The following MBD5 variants were observed in gnomAD, a reference collection of about 807,000 sequenced individuals.
MBD5 encodes methyl-CpG-binding domain protein 5.
A neutral mutation model predicts 117.3 loss-of-function variants in MBD5; 13 were observed. The ratio of observed to expected loss-of-function variants is 0.11; its 90% CI spans 0.07 to 0.18. The LOEUF is 0.18. MBD5 is among the 10% of genes least tolerant of loss of function. The probability of loss-of-function intolerance (pLI) is 1.00; values close to 1 mark genes in which losing one functional copy is unlikely to be tolerated. For synonymous variants in MBD5, 727 were observed against 766.4 expected (o/e 0.95, Z 0.85); for missense variants, 1,879 against 2,093.8 (o/e 0.90, Z 2.00).
intron 3 of MBD5, among the ~76,000 whole-genome samples, chr2:148,297,812 A>T (rs181287596): frequency 5.5e-4 from 83 of 151,880 alleles, no homozygotes; most frequent in African/African-American, 1.5e-3. Context: ...CTCCTTTTGC[A>T]TACCATCAGA....
intron 3 of MBD5, among the ~76,000 whole-genome samples, chr2:148,239,100 G>T (rs2106181383): frequency 6.6e-6 from 1 of 151,734 alleles, no homozygotes; most frequent in African/African-American, 2.4e-5. Flanking sequence ...ATATATAACT[G>T]AGAATAGAAT....
rs532136716 is a variant in MBD5, at chr2:148,240,125, G to C, written c.-680+6730G>C. Among the ~76,000 whole-genome samples the C allele has an allele frequency of 3.3e-5, 5 of 152,274 alleles. No individual in the cohort carries two copies. The South Asian group carries it at 1.0e-3, about 32-fold the overall frequency. On this transcript the variant is annotated intron_variant, in intron 3 of 13. Coordinates refer to ENST00000642680, the MANE Select transcript of MBD5 (RefSeq NM_001378120.1). ...AGTTCATGTCCTTTATAGGGACATAGATGAAGCTGGAAACCATTATTCTGA... is the reference window on the plus strand; with the variant it reads ...AGTTCATGTCCTTTATAGGGACATACATGAAGCTGGAAACCATTATTCTGA...
chr2:148,355,662 A>G (rs1703363805), intron 4 of MBD5, among the ~76,000 whole-genome samples: 1 of 152,186 alleles, frequency 6.6e-6, no homozygotes, highest in Non-Finnish European at 1.5e-5. Flanking sequence ...TACCAGTACC[A>G]TGCTGTTTTC....
intron 1 of MBD5, among the ~76,000 whole-genome samples, chr2:148,034,519 A>G (rs1694133000): frequency 1.3e-5 from 2 of 152,296 alleles, no homozygotes; most frequent in South Asian, 4.1e-4. Context: ...AGGGGTCTTA[A>G]TATGTAATTC....
At chr2:148,163,021 T>A (rs2105755857) in intron 1 of MBD5, among the ~76,000 whole-genome samples, 2 of 152,346 alleles carry the variant, frequency 1.3e-5, no homozygotes, top group South Asian at 4.1e-4. Flanking sequence ...CAATCCACTT[T>A]ATGTCTCCAC....
intron 1 of MBD5, among the ~76,000 whole-genome samples, chr2:148,092,235 A>T (rs1343334673): frequency 6.6e-6 from 1 of 152,206 alleles, no homozygotes. Context: ...TAGTACAACC[A>T]CTGTGGAAAA....
chr2:148,308,525 GT>G (rs1701953405), intron 3 of MBD5, among the ~76,000 whole-genome samples: 2 of 98,984 alleles, frequency 2.0e-5, no homozygotes, highest in African/African-American at 7.1e-5. Flanking sequence ...TTTTGATGGG[GT>G]TAAGTTCCCT....
At chr2:148,451,549 G>A in intron 4 of MBD5, among the ~76,000 whole-genome samples, 1 of 152,012 alleles carries the variant, frequency 6.6e-6, no homozygotes, top group South Asian at 2.1e-4. Flanking sequence ...ACTCTAACAA[G>A]CATAATTCAG....
intron 8 of MBD5, chr2:148,472,426 C>T (rs888921330): frequency 5.9e-5 from 9 of 151,994 alleles, no homozygotes; most frequent in African/African-American, 2.2e-4. Flanking sequence ...AGTATTAAAC[C>T]TAATAAAATT....
intron 4 of MBD5, among the ~76,000 whole-genome samples, chr2:148,453,584 T>A (rs1162206578): frequency 6.6e-6 from 1 of 152,128 alleles, no homozygotes; most frequent in Non-Finnish European, 1.5e-5. Context: ...CTATGCTTAT[T>A]GGGCTTAAAT....
intron 2 of MBD5, among the ~76,000 whole-genome samples, chr2:148,202,903 A>G (rs1699178155): frequency 1.3e-5 from 2 of 152,106 alleles, no homozygotes; most frequent in South Asian, 4.1e-4. Flanking sequence ...TAAAAGCTGT[A>G]AAATAGACTG....
chr2:148,151,626 A>C (rs1233558641), intron 1 of MBD5, among the ~76,000 whole-genome samples: 1 of 152,060 alleles, frequency 6.6e-6, no homozygotes, highest in Non-Finnish European at 1.5e-5. Context: ...AGATCCTGTT[A>C]TTGGTCTATT....
At chr2:148,076,192 G>GTTT (rs1342556230) in intron 1 of MBD5, among the ~76,000 whole-genome samples, 1 of 151,884 alleles carries the variant, frequency 6.6e-6, no homozygotes, top group Non-Finnish European at 1.5e-5. Context: ...TGTTGTTGTT[G>GTTT]TTGTTGTTTT....
In MBD5 at chr2:148,294,232, T is replaced by G. The variant is rs1009745165; in HGVS notation, c.-679-47982T>G. Among the ~76,000 whole-genome samples, 13 of 41,120 alleles carry G rather than the reference T, an allele frequency of 3.2e-4. 2 individuals are homozygous for G. Among genetic ancestry groups the G allele is most frequent in the East Asian group, 8.5e-4 (1 of 1,170 alleles). 27.0% of individuals were successfully genotyped at this position (41,120 alleles called of 152,430 possible). Reference sequence around the variant, plus strand: ...TTTTTTTTTTTTTTTTTTTTTTTTTTTTTTTTTTTTGAGACAGAGTCTTGC... The same window carrying G: ...TTTTTTTTTTTTTTTTTTTTTTTTTGTTTTTTTTTTGAGACAGAGTCTTGC... On this transcript the variant is annotated intron_variant, in intron 3 of 13. Coordinates refer to ENST00000642680, the MANE Select transcript of MBD5 (RefSeq NM_001378120.1).
intron 3 of MBD5, among the ~76,000 whole-genome samples, chr2:148,295,193 AT>A (rs1701620389): frequency 6.6e-6 from 1 of 152,018 alleles, no homozygotes; most frequent in African/African-American, 2.4e-5. Flanking sequence ...GCTGTGTTTC[AT>A]GGTGTCCCAC....
At chr2:148,314,490 A>G (rs2602359) in intron 3 of MBD5, among the ~76,000 whole-genome samples, 148,660 of 151,352 alleles carry the variant, frequency 0.98, 73,060 homozygotes, top group Middle Eastern at 1. Context: ...GGATTCTCCT[A>G]TCTCAGCCCC....
intron 4 of MBD5, among the ~76,000 whole-genome samples, chr2:148,359,761 C>T (rs1703482416): frequency 6.6e-6 from 1 of 152,098 alleles, no homozygotes; most frequent in South Asian, 2.1e-4. Flanking sequence ...TTCAATGTTA[C>T]CCATTTTAAT....
chr2:148,144,928 C>T (rs542262528), intron 1 of MBD5, among the ~76,000 whole-genome samples: 19 of 152,172 alleles, frequency 1.2e-4, no homozygotes, highest in African/African-American at 1.9e-4. Flanking sequence ...CTTGGCAATG[C>T]GGGCTCTTTT....
intron 4 of MBD5, among the ~76,000 whole-genome samples, chr2:148,431,445 A>G (rs1235540397): frequency 1.3e-5 from 2 of 151,962 alleles, no homozygotes; most frequent in Admixed American, 6.6e-5. Flanking sequence ...ATACAGGTAA[A>G]CTGCATGTCA....
Sources: gnomAD v4.1 joint callset for allele counts (sites outside exome capture counted in the v4.1 genomes callset) on GRCh38, gnomAD v4.1.1 for gene constraint, MANE v1.5 for transcripts, NCBI Gene and HGNC (gene_info 2026-07-23, HGNC 2026-07-21) for gene names.